Variants in ZBTB7C observed in about 807,000 individuals in gnomAD.
The protein encoded by ZBTB7C is zinc finger and BTB domain-containing protein 7C.
In ZBTB7C, 8 loss-of-function variants were observed where a neutral mutation model predicts 25.7. The ratio of observed to expected loss-of-function variants is 0.31; its 90% CI spans 0.18 to 0.56. The LOEUF is 0.56. Ranked by LOEUF, ZBTB7C falls within the 20% of genes least tolerant of loss-of-function variation. The pLI, the probability that ZBTB7C is intolerant of heterozygous loss-of-function variation, is 0.91. For missense variants in ZBTB7C, 824 were observed against 855.2 expected (o/e 0.96, Z 0.46); for synonymous variants, 394 against 369.0 (o/e 1.07, Z -0.78).
intron 1 of ZBTB7C, among the ~76,000 whole-genome samples, chr18:48,338,911 T>TGGGG (rs71165319): frequency 7.2e-6 from 1 of 138,010 alleles, no homozygotes. Context: ...TGTAGTTTGT[T>TGGGG]GGGGGGGGGG....
rs535049036 is a variant in ZBTB7C at position 48,125,935 on chromosome 18, G to T, written c.-17+59999C>A. ...GCTTTGGGCAAGTGATCCTGGAAGG[G>T]CCCTGCCAAGAGGAGGGGAGCTGGC... On this transcript the variant is annotated intron_variant, in intron 3 of 4. Coordinates refer to ENST00000590800, the MANE Select transcript of ZBTB7C (RefSeq NM_001318841.2). Among the ~76,000 whole-genome samples the T allele has an allele frequency of 1.4e-3, 218 of 152,296 alleles. 1 individual carries two copies. Among genetic ancestry groups the T allele is most frequent in the Non-Finnish European group, 1.3e-3 (87 of 68,016 alleles).
chr18:48,338,558 A>G (rs192835244), intron 1 of ZBTB7C, among the ~76,000 whole-genome samples, 160 bp from the exon 2 acceptor site: 12 of 152,240 alleles, frequency 7.9e-5, no homozygotes, highest in African/African-American at 2.9e-4. Flanking sequence ...CAGGGTTTTC[A>G]CTGACAGTGT....
chr18:48,270,895 CA>C (rs543475695), intron 2 of ZBTB7C, among the ~76,000 whole-genome samples: 5 of 145,062 alleles, frequency 3.4e-5, no homozygotes, highest in South Asian at 2.2e-4. Flanking sequence ...TAATATGGGA[CA>C]AAAAAAAATA....
chr18:48,144,330 T>A (rs2040438392), intron 3 of ZBTB7C, among the ~76,000 whole-genome samples: 1 of 152,090 alleles, frequency 6.6e-6, no homozygotes, highest in South Asian at 2.1e-4. Context: ...AACAACTACA[T>A]AAACAAAACA....
chr18:48,121,413 T>TA (rs567847083), intron 3 of ZBTB7C, among the ~76,000 whole-genome samples: 7 of 127,702 alleles, frequency 5.5e-5, no homozygotes, highest in East Asian at 2.4e-4. Flanking sequence ...TTTTTTTTTT[T>TA]AAAAAAATGC....
At chr18:48,120,691 G>A (rs1006852512) in intron 3 of ZBTB7C, among the ~76,000 whole-genome samples, 1 of 152,202 alleles carries the variant, frequency 6.6e-6, no homozygotes, top group Non-Finnish European at 1.5e-5. Context: ...GATGTGTCTA[G>A]GAACTAATGG....
chr18:48,247,699 A>C (rs1412355112), intron 2 of ZBTB7C, among the ~76,000 whole-genome samples: 2 of 152,074 alleles, frequency 1.3e-5, no homozygotes, highest in African/African-American at 4.8e-5. Context: ...CATAATCCCC[A>C]CATGTCAAGG....
chr18:48,194,671 G>A (rs904688643), intron 2 of ZBTB7C, among the ~76,000 whole-genome samples: 5 of 152,174 alleles, frequency 3.3e-5, no homozygotes, highest in African/African-American at 1.2e-4. Context: ...AGCATCACCA[G>A]GGCAGTGAGT....
chr18:48,397,938 T>G (rs1434233086), intron 1 of ZBTB7C, among the ~76,000 whole-genome samples: 1 of 152,180 alleles, frequency 6.6e-6, no homozygotes, highest in Admixed American at 6.5e-5. Flanking sequence ...CTTCCCTACC[T>G]GCACACACAC....
At chr18:48,086,565 C>T (rs1241379038) in intron 3 of ZBTB7C, among the ~76,000 whole-genome samples, 2 of 152,224 alleles carry the variant, frequency 1.3e-5, no homozygotes, top group East Asian at 3.8e-4. Flanking sequence ...CTCCAGAGTC[C>T]TGTCTCATCC....
chr18:48,249,252 C>T (rs1050629489), intron 2 of ZBTB7C, among the ~76,000 whole-genome samples: 2 of 151,360 alleles, frequency 1.3e-5, no homozygotes, highest in Admixed American at 6.6e-5. Flanking sequence ...ACTAGTAATG[C>T]CTCTATTAGG....
intron 2 of ZBTB7C, among the ~76,000 whole-genome samples, chr18:48,260,149 T>A (rs2044130943): frequency 6.6e-6 from 1 of 152,230 alleles, no homozygotes; most frequent in African/African-American, 2.4e-5. Flanking sequence ...CATGGAATAC[T>A]GCTCAGCAAT....
At chr18:48,345,335 G>T (rs2046702908) in intron 1 of ZBTB7C, among the ~76,000 whole-genome samples, 1 of 152,210 alleles carries the variant, frequency 6.6e-6, no homozygotes. Context: ...AGGATTACTA[G>T]GAGTGCTTGG....
At chr18:48,133,382 T>TTCTATTTA (rs2040047093) in intron 3 of ZBTB7C, among the ~76,000 whole-genome samples, 1 of 152,300 alleles carries the variant, frequency 6.6e-6, no homozygotes, top group South Asian at 2.1e-4. Context: ...GAGCAAGCAT[T>TTCTATTTA]TCTATTTATC....
At chr18:48,336,058 C>T (rs1055024872) in intron 2 of ZBTB7C, among the ~76,000 whole-genome samples, 26 of 152,158 alleles carry the variant, frequency 1.7e-4, no homozygotes, top group African/African-American at 4.8e-4. Context: ...TCCAAGCATT[C>T]GGAGAATGTC....
chr18:48,173,607 G>A (rs368306329), intron 3 of ZBTB7C, among the ~76,000 whole-genome samples: 2 of 152,224 alleles, frequency 1.3e-5, no homozygotes, highest in Non-Finnish European at 1.5e-5. Flanking sequence ...TGGGAGGCAG[G>A]TGAGGCCCTA....
At chr18:48,202,317 G>A (rs1032999216) in intron 2 of ZBTB7C, among the ~76,000 whole-genome samples, 3 of 152,146 alleles carry the variant, frequency 2.0e-5, no homozygotes, top group South Asian at 2.1e-4. Flanking sequence ...GCAGCACAGC[G>A]GGGGCTGCTG....
chr18:48,358,282 G>A (rs929323723), intron 1 of ZBTB7C, among the ~76,000 whole-genome samples: 1 of 152,108 alleles, frequency 6.6e-6, no homozygotes, highest in African/African-American at 2.4e-5. Flanking sequence ...AACCTGGGAG[G>A]TGGAGGTTGC....
Position 48,029,405 on chromosome 18 carries a change from C to A in ZBTB7C, c.1715G>T (p.Gly572Val), listed in dbSNP as rs755323250. The A allele has an allele frequency of 1.3e-6, 2 of 1,570,164 alleles. No individual in the cohort carries two copies. The highest frequency in any genetic ancestry group is 1.2e-5 in the South Asian group (1 of 86,872). Residue 572 changes from glycine (G) to valine (V), a missense_variant, in exon 5 of 5, where the codon GGC (glycine) becomes GTC (valine). Around this residue, in one of 4 missense-constraint regions of ZBTB7C, gnomAD observed 342 missense variants for 307.0 expected, o/e 1.11. Coordinates refer to ENST00000590800, the MANE Select transcript of ZBTB7C (RefSeq NM_001318841.2). ...CTCGGCCAGCGCGAAGGCCAGGAGG[C>A]CCCCCGCGTTCCTCTCAGCCTCCAG... ...AQLEAERNAGGLLAFALAENV... is the reference protein window; with the variant it reads ...AQLEAERNAGVLLAFALAENV...
Sources: gnomAD v4.1 joint callset for allele counts (sites outside exome capture counted in the v4.1 genomes callset) on GRCh38, gnomAD v4.1.1 for gene constraint, gnomAD v4.1.1 regional missense constraint, MANE v1.5 for transcripts, NCBI Gene and HGNC (gene_info 2026-07-23, HGNC 2026-07-21) for gene names.